The following NXPE3 variants were observed in gnomAD, a reference collection of about 807,000 sequenced individuals.
NXPE3 encodes neurexophilin and PC-esterase domain family member 3.
A neutral mutation model predicts 46.1 loss-of-function variants in NXPE3; 26 were observed. The observed-to-expected ratio is 0.56, with a 90% confidence interval of 0.41 to 0.78. NXPE3 has a LOEUF of 0.78. Among genes scored for constraint, NXPE3 ranks in the 30% least tolerant of loss-of-function variants. The pLI is 0.00. For synonymous variants in NXPE3, 272 were observed against 257.9 expected, an observed-to-expected ratio of 1.05 and a Z score of -0.52; for missense variants, 620 against 686.0, an observed-to-expected ratio of 0.90 and a Z score of 1.07.
intron 1 of NXPE3, among the ~76,000 whole-genome samples, chr3:101,780,097 T>G (rs1299037823): frequency 1.3e-5 from 2 of 152,212 alleles, no homozygotes; most frequent in Admixed American, 1.3e-4. Context: ...TGTTGCCACA[T>G]TTCCTAAAGA....
intron 4 of NXPE3, among the ~76,000 whole-genome samples, chr3:101,793,785 A>T (rs1265199325): frequency 5.9e-5 from 9 of 151,598 alleles, no homozygotes; most frequent in African/African-American, 1.9e-4. Flanking sequence ...TTCTTTATAC[A>T]CATATGCTTA....
chr3:101,818,715 TTA>T lies in NXPE3; in HGVS notation c.1129+1752_1129+1753del, dbSNP rs61602305. Among the ~76,000 whole-genome samples the T allele has an allele frequency of 9.9e-3, 377 of 38,010 alleles. 3 individuals carry two copies. The highest frequency in any genetic ancestry group is 0.018 in the African/African-American group (163 of 9,258). The allele number at this position is 38,010 out of a possible 152,430, so 24.9% of individuals were successfully genotyped here. A position where few individuals can be genotyped will look rare whatever the true frequency, so the allele number is the denominator to read the frequency against. Reference sequence around the variant, plus strand: ...TTAACCCTTAAGAATATATGACAATTTATATATATATATATATATATATATAT... The same window carrying T: ...TTAACCCTTAAGAATATATGACAATTTATATATATATATATATATATATAT... On this transcript the variant is annotated intron_variant, in intron 7 of 7. Coordinates refer to ENST00000273347, the MANE Select transcript of NXPE3 (RefSeq NM_145037.4).
intron 7 of NXPE3, among the ~76,000 whole-genome samples, chr3:101,818,823 T>C (rs1335591776): frequency 7.6e-6 from 1 of 130,994 alleles, no homozygotes; most frequent in East Asian, 2.7e-4. Flanking sequence ...TGGAGTGCAG[T>C]GGTGTGATCT....
intron 4 of NXPE3, 90 bp from the exon 5 acceptor site, chr3:101,801,145 C>T (rs1052935901): frequency 3.7e-6 from 5 of 1,366,176 alleles, no homozygotes; most frequent in Admixed American, 4.6e-5. Context: ...AGCTAAAACT[C>T]ACAGAAGTGT....
chr3:101,808,599 T>A (rs1941537863), intron 6 of NXPE3, among the ~76,000 whole-genome samples: 1 of 151,970 alleles, frequency 6.6e-6, no homozygotes, highest in Non-Finnish European at 1.5e-5. Context: ...TTTGATTTTT[T>A]AACTGTGATA....
At chr3:101,794,392 T>C (rs1412927629) in intron 4 of NXPE3, among the ~76,000 whole-genome samples, 4 of 152,184 alleles carry the variant, frequency 2.6e-5, no homozygotes, top group African/African-American at 4.8e-5. Context: ...ATCCTGATGG[T>C]TGGCAATGCA....
rs1941157070 is a variant in NXPE3 at position 101,801,646 on chromosome 3, T to C, written c.505T>C (p.Tyr169His). The C allele has an allele frequency of 6.2e-7, 1 of 1,614,240 alleles. No homozygotes were observed. Among genetic ancestry groups the C allele is most frequent in the South Asian group, 1.1e-5 (1 of 91,088 alleles). Residue 169 changes from tyrosine to histidine, a missense_variant, in exon 5 of 8, where the codon TAC (tyrosine) becomes CAC (histidine). Tyr to His is a moderately conservative substitution (Grantham distance 83, BLOSUM62 2). Coordinates refer to ENST00000273347, the MANE Select transcript of NXPE3 (RefSeq NM_145037.4). ...GGTGGTGGATTACCAGAATGGGTTT[T>C]ACAAGGTTTTCTTTACTTTGCTATG... ...GRVVDYQNGFYKVFFTLLWPG... is the reference protein window; with the variant it reads ...GRVVDYQNGFHKVFFTLLWPG...
chr3:101,808,856 T>TATATATATATATATAA (rs1941575402), intron 6 of NXPE3, among the ~76,000 whole-genome samples: 2 of 127,668 alleles, frequency 1.6e-5, no homozygotes, highest in Admixed American at 7.8e-5. Context: ...TATATATATA[T>TATATATATATATATAA]GAGACATTTA....
In NXPE3 at chr3:101,801,244, C is replaced by A; in HGVS notation, c.103C>A (p.His35Asn). The A allele has an allele frequency of 6.2e-7, 1 of 1,609,980 alleles. No homozygotes were observed. Residue 35 changes from histidine to asparagine, a missense_variant, in exon 5 of 8, where the codon CAT becomes AAT. Physicochemically the swap from His to Asn is moderately conservative, Grantham distance 68 (BLOSUM62 1). Transcript: ENST00000273347. ...INVTQVEYLDHETVSATFIDS... is the reference protein window; with the variant it reads ...INVTQVEYLDNETVSATFIDS... Reference sequence around the variant, plus strand: ...GTGTCTTCTTCTTCAGTACTTGGACCATGAGACTGTTTCAGCCACTTTCAT... The same window carrying A: ...GTGTCTTCTTCTTCAGTACTTGGACAATGAGACTGTTTCAGCCACTTTCAT...
chr3:101,801,651 G>C lies in NXPE3; in HGVS notation c.510G>C (p.Lys170Asn), dbSNP rs1388159202. The change falls in exon 5 of 8, where the codon AAG becomes AAC. Residue 170 changes from lysine (K) to asparagine (N), a missense_variant. Physicochemically the swap from Lys to Asn is moderately conservative, Grantham distance 94. Transcript: ENST00000273347. ...TGGATTACCAGAATGGGTTTTACAA[G>C]GTTTTCTTTACTTTGCTATGGCCAG... ...RVVDYQNGFYKVFFTLLWPGK... is the reference protein window; with the variant it reads ...RVVDYQNGFYNVFFTLLWPGK... 1 of 1,614,058 alleles carries C rather than the reference G, an allele frequency of 6.2e-7. No individual in the cohort carries two copies. Among genetic ancestry groups the C allele is most frequent in the African/African-American group, 1.3e-5 (1 of 74,922 alleles).
At chr3:101,808,818 G>GATATAGATAGATATATATATAT (rs71132598) in intron 6 of NXPE3, among the ~76,000 whole-genome samples, 1 of 30,814 alleles carries the variant, frequency 3.2e-5, no homozygotes, top group Non-Finnish European at 5.9e-5. Context: ...AATTTTAGAG[G>GATATAGATAGATATATATATAT]ATATATATAT....
chr3:101,819,932 T>C (rs1942170136), intron 7 of NXPE3, among the ~76,000 whole-genome samples: 1 of 152,222 alleles, frequency 6.6e-6, no homozygotes. Flanking sequence ...ACTATTCTAC[T>C]CTCTACTTCA....
intron 1 of NXPE3, among the ~76,000 whole-genome samples, chr3:101,780,701 A>G (rs776550809): frequency 2.0e-5 from 3 of 152,208 alleles, no homozygotes; most frequent in Non-Finnish European, 4.4e-5. Flanking sequence ...ACCACAACCT[A>G]TCAATGTGTT....
intron 4 of NXPE3, among the ~76,000 whole-genome samples, chr3:101,792,070 C>G (rs1940552394): frequency 6.6e-6 from 1 of 152,086 alleles, no homozygotes; most frequent in Non-Finnish European, 1.5e-5. Context: ...TGTGTGTCTT[C>G]TGAGAAGTTT....
intron 4 of NXPE3, among the ~76,000 whole-genome samples, chr3:101,794,308 T>C (rs1940696248): frequency 6.6e-6 from 1 of 152,082 alleles, no homozygotes; most frequent in Admixed American, 6.6e-5. Context: ...ATGAGTATAT[T>C]GTGAGTATTC....
chr3:101,819,182 G>A (rs909435842), intron 7 of NXPE3, among the ~76,000 whole-genome samples: 4 of 152,088 alleles, frequency 2.6e-5, no homozygotes, highest in African/African-American at 9.7e-5. Flanking sequence ...TATAGTAGTG[G>A]GCACTAAGTA....
intron 6 of NXPE3, among the ~76,000 whole-genome samples, chr3:101,807,847 C>T (rs564681050): frequency 1.3e-5 from 2 of 151,994 alleles, no homozygotes; most frequent in South Asian, 4.2e-4. Context: ...TATCCATCAT[C>T]TCAAAAAGTT....
chr3:101,794,087 A>G (rs1049040984), intron 4 of NXPE3, among the ~76,000 whole-genome samples: 1 of 149,464 alleles, frequency 6.7e-6, no homozygotes, highest in African/African-American at 2.5e-5. Flanking sequence ...GTGTCTGGAA[A>G]ACCATTGTTT....
intron 6 of NXPE3, among the ~76,000 whole-genome samples, chr3:101,807,998 G>A (rs1019768121): frequency 3.3e-5 from 5 of 152,076 alleles, no homozygotes; most frequent in Admixed American, 2.6e-4. Context: ...ACATTGGGTT[G>A]GAGAATAGCA....
Sources: gnomAD v4.1 joint callset for allele counts (sites outside exome capture counted in the v4.1 genomes callset) on GRCh38, gnomAD v4.1.1 for gene constraint, MANE v1.5 for transcripts, NCBI Gene and HGNC (gene_info 2026-07-23, HGNC 2026-07-21) for gene names.